The following NUBPL variants were observed in gnomAD, a reference collection of about 807,000 sequenced individuals.
NUBPL encodes NUBP iron-sulfur cluster assembly factor, mitochondrial.
A neutral mutation model predicts 45.7 loss-of-function variants in NUBPL; 31 were observed. The ratio of observed to expected loss-of-function variants is 0.68; its 90% confidence interval spans 0.51 to 0.92. The LOEUF (loss-of-function observed/expected upper bound fraction) is 0.92, where lower values mean the gene tolerates loss of function less well. Ranked by LOEUF, NUBPL falls within the 40% of genes least tolerant of loss-of-function variation. The pLI, the probability that NUBPL is intolerant of heterozygous loss-of-function variation, is 0.00. For synonymous variants in NUBPL, 144 were observed against 140.9 expected (o/e 1.02, Z -0.15); for missense variants, 401 against 398.7 (o/e 1.01, Z -0.05).
At chr14:31,586,410 A>G (rs2033998619) in intron 3 of NUBPL, among the ~76,000 whole-genome samples, 1 of 152,168 alleles carries the variant, frequency 6.6e-6, no homozygotes, top group Non-Finnish European at 1.5e-5. Context: ...AGCAGAAGAT[A>G]ATTCTAGGTT....
chr14:31,637,825 C>T (rs1485519480), intron 4 of NUBPL, among the ~76,000 whole-genome samples: 2 of 152,114 alleles, frequency 1.3e-5, no homozygotes, highest in South Asian at 2.1e-4. Context: ...TTGAATTGAT[C>T]CCTTTACCAT....
intron 6 of NUBPL, among the ~76,000 whole-genome samples, chr14:31,730,610 C>T (rs902909969): frequency 1.1e-4 from 16 of 151,898 alleles, no homozygotes; most frequent in African/African-American, 3.9e-4. Flanking sequence ...ATTACAGGTG[C>T]CCACCACTAT....
intron 2 of NUBPL, among the ~76,000 whole-genome samples, chr14:31,563,456 A>G (rs1489764918): frequency 6.6e-6 from 1 of 152,180 alleles, no homozygotes; most frequent in South Asian, 2.1e-4. Context: ...TGCTTCAGTA[A>G]ATGTCCCTTT....
chr14:31,598,722 G>A (rs2034348173), intron 3 of NUBPL, among the ~76,000 whole-genome samples: 1 of 152,138 alleles, frequency 6.6e-6, no homozygotes, highest in African/African-American at 2.4e-5. Context: ...TTGCATATAA[G>A]AGGTTGTCTC....
chr14:31,677,035 C>A (rs1332361351), intron 6 of NUBPL, among the ~76,000 whole-genome samples: 1 of 150,394 alleles, frequency 6.6e-6, no homozygotes, highest in Non-Finnish European at 1.5e-5. Context: ...TTTTAAAATT[C>A]TTAATTTAAA....
chr14:31,625,240 GATA>G (rs1329583236), intron 4 of NUBPL, among the ~76,000 whole-genome samples: 9 of 152,034 alleles, frequency 5.9e-5, no homozygotes, highest in Non-Finnish European at 1.5e-5. Context: ...GGCTAAATAG[GATA>G]ATAATTGAAA....
intron 4 of NUBPL, among the ~76,000 whole-genome samples, chr14:31,603,291 T>A (rs1595354239): frequency 2.1e-5 from 2 of 95,116 alleles, no homozygotes; most frequent in Non-Finnish European, 2.0e-5. Context: ...CAAAGCAAGA[T>A]CCTGTCTGAA....
intron 4 of NUBPL, among the ~76,000 whole-genome samples, chr14:31,635,976 T>G (rs990687302): frequency 2.6e-5 from 4 of 152,212 alleles, no homozygotes; most frequent in Non-Finnish European, 1.5e-5. Flanking sequence ...CTTATCAGCT[T>G]AAGGAGATTT....
At chr14:31,662,692 C>T (rs1595455696) in intron 4 of NUBPL, among the ~76,000 whole-genome samples, 1 of 152,002 alleles carries the variant, frequency 6.6e-6, no homozygotes, top group Non-Finnish European at 1.5e-5. Flanking sequence ...GGTGTATATT[C>T]TTTATCCAGT....
chr14:31,650,199 G>A (rs2035962100), intron 4 of NUBPL, among the ~76,000 whole-genome samples: 1 of 151,844 alleles, frequency 6.6e-6, no homozygotes, highest in Non-Finnish European at 1.5e-5. Context: ...ACATGAATTA[G>A]TTTGTATTGA....
intron 6 of NUBPL, among the ~76,000 whole-genome samples, chr14:31,711,198 C>G (rs1437456897): frequency 6.6e-6 from 1 of 152,154 alleles, no homozygotes; most frequent in African/African-American, 2.4e-5. Context: ...AATGGCTTTC[C>G]TCTCTGTCGA....
At chr14:31,745,760 G>A (rs143090870) in intron 6 of NUBPL, among the ~76,000 whole-genome samples, 3 of 152,050 alleles carry the variant, frequency 2.0e-5, no homozygotes, top group African/African-American at 7.3e-5. Flanking sequence ...GAAAAATACT[G>A]AGGCACTGTG....
chr14:31,562,637 T>C (rs1277934200), intron 2 of NUBPL, among the ~76,000 whole-genome samples: 2 of 146,018 alleles, frequency 1.4e-5, no homozygotes, highest in Non-Finnish European at 3.0e-5. Context: ...GGAATCTCGC[T>C]CTGTCACCCA....
chr14:31,804,610 G>A (rs796568744), intron 7 of NUBPL, among the ~76,000 whole-genome samples: 72 of 152,212 alleles, frequency 4.7e-4, no homozygotes, highest in African/African-American at 1.7e-3. Context: ...GAACATAATA[G>A]AGAGCCCAGA....
intron 7 of NUBPL, among the ~76,000 whole-genome samples, chr14:31,820,755 T>G (rs1479186246): frequency 2.1e-4 from 27 of 128,298 alleles, no homozygotes; most frequent in African/African-American, 7.0e-4. Flanking sequence ...ATCCGGGAGG[T>G]GGAGGTTGCA....
intron 6 of NUBPL, among the ~76,000 whole-genome samples, chr14:31,735,087 C>T (rs2038136567): frequency 6.6e-6 from 1 of 152,192 alleles, no homozygotes; most frequent in African/African-American, 2.4e-5. Context: ...TGTCTTCTAA[C>T]TGTCCATAGC....
chr14:31,780,365 G>A (rs572133046), intron 6 of NUBPL, among the ~76,000 whole-genome samples: 4 of 152,150 alleles, frequency 2.6e-5, no homozygotes, highest in East Asian at 1.9e-4. Flanking sequence ...CACTGTGCCC[G>A]GCTGAGAGAG....
chr14:31,663,556 T>C (rs1426100335), intron 4 of NUBPL, among the ~76,000 whole-genome samples: 1 of 152,146 alleles, frequency 6.6e-6, no homozygotes, highest in Non-Finnish European at 1.5e-5. Flanking sequence ...CGTAGATGTG[T>C]GGTGTTATTT....
chr14:31,747,670 A>C (rs776855754), intron 6 of NUBPL, among the ~76,000 whole-genome samples: 4 of 151,092 alleles, frequency 2.6e-5, no homozygotes, highest in Non-Finnish European at 5.9e-5. Flanking sequence ...CTCTATTTTC[A>C]CTTCTGATTT....
Sources: allele counts gnomAD v4.1 joint callset (sites outside exome capture counted in the v4.1 genomes callset), GRCh38; gene constraint gnomAD v4.1.1; transcripts MANE v1.5; gene names NCBI Gene and HGNC (gene_info 2026-07-23, HGNC 2026-07-21).